RNASET2: variants seen among roughly 807,000 people sequenced by gnomAD.
The protein encoded by RNASET2 is ribonuclease T2.
Under a neutral mutation model 33.9 loss-of-function variants are expected in RNASET2, and 28 were observed. That is an observed-to-expected ratio of 0.83 (90% CI 0.61 to 1.13). The LOEUF is 1.13. Ranked by LOEUF, RNASET2 falls within the 50% of genes most tolerant of loss-of-function variation. The pLI, the probability that RNASET2 is intolerant of heterozygous loss-of-function variation, is 0.00. For synonymous variants in RNASET2, 123 were observed against 121.0 expected, an observed-to-expected ratio of 1.02 and a Z score of -0.11; for missense variants, 330 against 319.9, an observed-to-expected ratio of 1.03 and a Z score of -0.24.
At chr6:166,948,171 T>A (rs1167987257) in intron 3 of RNASET2, among the ~76,000 whole-genome samples, 1 of 151,842 alleles carries the variant, frequency 6.6e-6, no homozygotes, top group Non-Finnish European at 1.5e-5. Flanking sequence ...CATGGTGAAA[T>A]CCTGTCTCTA....
chr6:166,955,824 G>C, intron 1 of RNASET2: 1 of 926,494 alleles, frequency 1.1e-6, no homozygotes, highest in Non-Finnish European at 1.3e-6. Context: ...GGCGTGCTCA[G>C]GACTCCCCTC....
intron 2 of RNASET2, among the ~76,000 whole-genome samples, chr6:166,950,221 T>A (rs969219239): frequency 7.1e-6 from 1 of 140,012 alleles, no homozygotes; most frequent in African/African-American, 3.0e-5. Context: ...ACGGTCCTTC[T>A]TCCGTAGGAA....
At chr6:166,946,625 GA>G (rs1218056394) in intron 4 of RNASET2, 56 bp downstream of exon 4, 17 of 958,304 alleles carry the variant, frequency 1.8e-5, no homozygotes, top group Non-Finnish European at 2.8e-5. Context: ...CGCTTGTGAA[GA>G]AAAGAGTTAA....
In RNASET2 at chr6:166,943,058, G is replaced by C; in HGVS notation, c.293C>G (p.Pro98Arg). The part of the protein sequence containing the change: ...DLLPEMRAYW[P>R]DVIHSFPNRS... ...ATTGGGAAACGAGTGAATTACGTCA[G>C]GCCAGTATGCCCTCATTTCTGGCAA... The change falls in exon 5 of 9, where the codon CCT becomes CGT. Residue 98 changes from proline (P) to arginine (R), a missense_variant. Pro to Arg is a moderately radical substitution (Grantham distance 103). Transcript: ENST00000508775. 1 of 1,613,612 alleles carries C rather than the reference G, an allele frequency of 6.2e-7. No individual in the cohort carries two copies. Among genetic ancestry groups the C allele is most frequent in the Non-Finnish European group, 8.5e-7 (1 of 1,179,802 alleles).
chr6:166,952,738 T>C, intron 1 of RNASET2, 190 bp from the exon 2 acceptor site: 1 of 603,906 alleles, frequency 1.7e-6, no homozygotes, highest in South Asian at 1.8e-5. Context: ...AAGGCACGTG[T>C]GGTGGCGTCC....
At chr6:166,955,077 G>A (rs929079646) in intron 1 of RNASET2, among the ~76,000 whole-genome samples, 2 of 152,096 alleles carry the variant, frequency 1.3e-5, no homozygotes, top group Non-Finnish European at 2.9e-5. Context: ...CAAATAGAAA[G>A]AAATAATATG....
At position 166,926,257 on chromosome 6, in the gene RNASET2, G is replaced by C. The variant is rs1458167070; in HGVS notation, c.*3331C>G. ...TTCGGTGGAAAGATAAGATACCTGGGCCAGGCGCGGTGGCTCACACCTATA... is the reference window on the plus strand; with the variant it reads ...TTCGGTGGAAAGATAAGATACCTGGCCCAGGCGCGGTGGCTCACACCTATA... On this transcript the variant is annotated 3_prime_UTR_variant, in exon 9 of 9. Transcript: ENST00000508775. Among the ~76,000 whole-genome samples the C allele has an allele frequency of 1.3e-5, 2 of 151,594 alleles. No homozygotes were observed. The highest frequency in any genetic ancestry group is 2.9e-5 in the Non-Finnish European group (2 of 67,928).
At chr6:166,952,631 T>C in intron 1 of RNASET2, 83 bp from the exon 2 acceptor site, 4 of 1,040,122 alleles carry the variant, frequency 3.8e-6, no homozygotes, top group Non-Finnish European at 6.0e-6. Context: ...ATCCCTTCAA[T>C]CATTCATTCA....
chr6:166,939,049 A>G (rs1288566677), intron 5 of RNASET2, 41 bp from the exon 6 acceptor site: 26 of 1,454,142 alleles, frequency 1.8e-5, no homozygotes, highest in Non-Finnish European at 2.4e-5. Flanking sequence ...AAGTAGTGAA[A>G]CAGGCTGCGT....
At chr6:166,955,308 G>GCACGC (rs1365063969) in intron 1 of RNASET2, among the ~76,000 whole-genome samples, 5 of 36,962 alleles carry the variant, frequency 1.4e-4, no homozygotes, top group African/African-American at 6.4e-4. Flanking sequence ...GCGCACACAC[G>GCACGC]ACACACACGC....
In RNASET2 at chr6:166,934,910, T is replaced by C. The variant is rs948740838; in HGVS notation, c.447-774A>G. On this transcript the variant is annotated intron_variant, in intron 6 of 8. Coordinates refer to ENST00000508775, the MANE Select transcript of RNASET2 (RefSeq NM_003730.6). ...CAGAATCCTACCAAACTACCATATA[T>C]AGAATTCACTTATTAAAGTATAAAG... 5 of 152,240 alleles carry C rather than the reference T, an allele frequency of 3.3e-5. No individual in the cohort carries two copies. The East Asian group carries it at 5.8e-4, about 18-fold the overall frequency. 9.4% of individuals were successfully genotyped at this position (152,240 alleles called of 1,614,324 possible). A position where few individuals can be genotyped will look rare whatever the true frequency, so the allele number is the denominator to read the frequency against.
Position 166,933,458 on chromosome 6 carries a change from G to A in RNASET2, c.492+633C>T, listed in dbSNP as rs1562494560. The A allele has an allele frequency of 1.3e-5, 2 of 152,384 alleles. No homozygotes were observed. Among genetic ancestry groups the A allele is most frequent in the African/African-American group, 2.4e-5 (1 of 41,410 alleles). The allele number at this position is 152,384 out of a possible 1,614,324, so 9.4% of individuals were successfully genotyped here. On this transcript the variant is annotated intron_variant, in intron 7 of 8. Transcript: ENST00000508775. The surrounding 1 kb of genome is among the most constrained non-coding windows in gnomAD (Gnocchi z 4.1). ...CTGCAGCCTCAAATTCCTGGGCGCA[G>A]GCAATCCTCTGACCTTAGCTTCCTG... is the stretch of plus-strand genomic sequence containing the variant.
rs532941463 is a variant in RNASET2 at position 166,925,937 on chromosome 6, C to T, written c.*3651G>A. Among the ~76,000 whole-genome samples the T allele has an allele frequency of 5.3e-5, 8 of 152,228 alleles. No homozygotes were observed. The highest frequency in any genetic ancestry group is 1.2e-4 in the African/African-American group (5 of 41,538). ...AGGGATTGAGGGAATGTCCCTGAGC[C>T]GCCATACTGGGGAGGTGTGATCTGG... On this transcript the variant is annotated 3_prime_UTR_variant, in exon 9 of 9. Coordinates refer to ENST00000508775, the MANE Select transcript of RNASET2 (RefSeq NM_003730.6).
intron 7 of RNASET2, chr6:166,931,503 T>G: frequency 3.3e-6 from 1 of 302,986 alleles, no homozygotes; most frequent in South Asian, 3.4e-5. Flanking sequence ...TTCTCAGCCC[T>G]GTCCACTCTG....
chr6:166,936,169 G>C (rs1390019725), intron 6 of RNASET2, among the ~76,000 whole-genome samples: 2 of 152,186 alleles, frequency 1.3e-5, no homozygotes. Context: ...TTCTTTATAG[G>C]TTTTAGCAAA....
At chr6:166,952,340 C>T in intron 2 of RNASET2, 148 bp downstream of exon 2, 1 of 734,976 alleles carries the variant, frequency 1.4e-6, no homozygotes. Flanking sequence ...CTCCTGGAGG[C>T]AGTCTCTGCA....
At chr6:166,955,225 ACACACGCACGCACG>A (rs1562506620) in intron 1 of RNASET2, among the ~76,000 whole-genome samples, 2 of 48,598 alleles carry the variant, frequency 4.1e-5, no homozygotes, top group African/African-American at 1.2e-4. Flanking sequence ...ACACACGCGC[ACACACGCACGCACG>A]CACACACACG....
At chr6:166,955,444 G>A (rs868055837) in intron 1 of RNASET2, 2 of 979,434 alleles carry the variant, frequency 2.0e-6, no homozygotes, top group African/African-American at 3.5e-5. Context: ...GCGAGCCAAG[G>A]GAAGGGATTC....
intron 4 of RNASET2, among the ~76,000 whole-genome samples, chr6:166,944,438 T>G (rs1029101983): frequency 2.6e-5 from 4 of 151,732 alleles, no homozygotes; most frequent in Non-Finnish European, 4.4e-5. Context: ...CCTGCCTGTG[T>G]GGGCGCAGCT....
Sources: allele counts gnomAD v4.1 joint callset (sites outside exome capture counted in the v4.1 genomes callset), GRCh38; gene constraint gnomAD v4.1.1; non-coding constraint Gnocchi (gnomAD v3.1); transcripts MANE v1.5; gene names NCBI Gene and HGNC (gene_info 2026-07-23, HGNC 2026-07-21).